TDRD1: variants seen among roughly 807,000 people sequenced by gnomAD.
TDRD1 encodes the protein tudor domain containing 1, also known as tudor domain-containing protein 1.
Under a neutral mutation model 140.6 loss-of-function variants are expected in TDRD1, and 37 were observed. The observed-to-expected ratio is 0.26, with a 90% CI of 0.20 to 0.35. TDRD1 has a LOEUF of 0.35. Among genes scored for constraint, TDRD1 ranks in the 10% least tolerant of loss-of-function variants. The probability of loss-of-function intolerance (pLI) is 1.00; values close to 1 mark genes in which losing one functional copy is unlikely to be tolerated. For synonymous variants in TDRD1, 506 were observed against 475.7 expected, an observed-to-expected ratio of 1.06 and a Z score of -0.83; for missense variants, 1,243 against 1,393.0, an observed-to-expected ratio of 0.89 and a Z score of 1.71.
chr10:114,217,682 C>T, intron 17 of TDRD1, 27 bp downstream of exon 17: 1 of 1,177,196 alleles, frequency 8.5e-7, no homozygotes, highest in Non-Finnish European at 1.3e-6. Context: ...GCAATCTTGA[C>T]TTTTAGAACC....
chr10:114,225,127 G>A (rs2036359306), intron 21 of TDRD1, among the ~76,000 whole-genome samples: 1 of 152,174 alleles, frequency 6.6e-6, no homozygotes, highest in South Asian at 2.1e-4. Flanking sequence ...ACGTTCTCCA[G>A]TCCATGCCCT....
At chr10:114,205,264 A>T (rs750868268) in intron 10 of TDRD1, among the ~76,000 whole-genome samples, 2 of 152,210 alleles carry the variant, frequency 1.3e-5, no homozygotes, top group Non-Finnish European at 1.5e-5. Flanking sequence ...GCTAGTACAT[A>T]GTAGCTAAGC....
At chr10:114,184,213 CT>C (rs1172488420) in intron 1 of TDRD1, among the ~76,000 whole-genome samples, 3 of 151,118 alleles carry the variant, frequency 2.0e-5, no homozygotes. Context: ...TGCTTTTCCC[CT>C]TATGTTTATG....
chr10:114,207,426 A>G (rs2035196866), intron 11 of TDRD1, among the ~76,000 whole-genome samples: 1 of 152,164 alleles, frequency 6.6e-6, no homozygotes, highest in Non-Finnish European at 1.5e-5. Flanking sequence ...TTAGCTCAGG[A>G]ATCCTCATCA....
rs2035653499 is a variant in TDRD1 at position 114,214,049 on chromosome 10, T to C, written c.2147T>C (p.Val716Ala). The change falls in exon 16 of 26, where the codon GTA becomes GCA. Residue 716 changes from valine to alanine, a missense_variant. Physicochemically the swap from Val to Ala is moderately conservative, Grantham distance 64 (BLOSUM62 0). Around this residue, in one of 5 missense-constraint regions of TDRD1, gnomAD observed 601 missense variants for 734.7 expected, o/e 0.82. Coordinates refer to ENST00000251864, the Ensembl canonical transcript of TDRD1. ...GTTGAACTTGGTGTTGACCAAACAG[T>C]AGATGTTGTGGTCTGTGTGATATAT... 1 of 1,613,264 alleles carries C rather than the reference T, an allele frequency of 6.2e-7. No homozygotes were observed. Among genetic ancestry groups the C allele is most frequent in the African/African-American group, 1.3e-5 (1 of 74,914 alleles).
intron 10 of TDRD1, 79 bp downstream of exon 10, chr10:114,204,972 A>G (rs1452408868): frequency 7.6e-7 from 1 of 1,323,152 alleles, no homozygotes; most frequent in East Asian, 2.7e-5. Context: ...CGGAAACATC[A>G]AGTGAGGCCA....
chr10:114,219,456 A>C (rs1327449236), intron 18 of TDRD1, among the ~76,000 whole-genome samples: 4 of 152,220 alleles, frequency 2.6e-5, no homozygotes, highest in Admixed American at 2.6e-4. Context: ...ACATCTGCAC[A>C]TAAAAGTTGT....
Position 114,231,392 on chromosome 10 carries a change from T to C in TDRD1, c.3539-94T>C, listed in dbSNP as rs572704763. 3.9e-4 allele frequency: 407 copies of C among 1,048,572 alleles called. 1 individual carries two copies. Among genetic ancestry groups the C allele is most frequent in the South Asian group, 2.8e-3 (194 of 70,442 alleles). 65.0% of individuals were successfully genotyped at this position (1,048,572 alleles called of 1,614,324 possible). ...TTAAATGCGTAATTTCAGTTAAAAG[T>C]GAATATTTTGTTTGCTTGTATTTGA... On this transcript the variant is annotated intron_variant, in intron 25 of 25. Transcript: ENST00000251864.
At chr10:114,184,904 G>C (rs1294873432) in intron 1 of TDRD1, among the ~76,000 whole-genome samples, 2 of 152,090 alleles carry the variant, frequency 1.3e-5, no homozygotes, top group African/African-American at 4.8e-5. Flanking sequence ...AATGTAGCAT[G>C]TATGATACTA....
At chr10:114,225,291 A>G (rs1017720471) in intron 21 of TDRD1, among the ~76,000 whole-genome samples, 1 of 152,234 alleles carries the variant, frequency 6.6e-6, no homozygotes, top group African/African-American at 2.4e-5. Flanking sequence ...AAGCCTATTC[A>G]GATGTCTTTG....
chr10:114,196,242 C>G (rs567005497), intron 3 of TDRD1, among the ~76,000 whole-genome samples: 1 of 152,306 alleles, frequency 6.6e-6, no homozygotes, highest in African/African-American at 2.4e-5. Context: ...TGAGCCCGGA[C>G]TATTGTGTTT....
rs1275320321 is a variant in TDRD1, at chr10:114,201,516, GTA to G, written c.635+2_635+3del. On this transcript the variant is annotated splice_donor_variant and splice_donor_region_variant and intron_variant, in intron 5 of 25. Transcript: ENST00000251864. LOFTEE classifies it high-confidence loss of function. Reference sequence around the variant, plus strand: ...TCGTGTGCAGGCCTGTTCAGCCAAAGTAAGGATTTATGATCTTTTTATTCATT... The same window carrying G: ...TCGTGTGCAGGCCTGTTCAGCCAAAGAGGATTTATGATCTTTTTATTCATT... 3 of 1,610,684 alleles carry G rather than the reference GTA, an allele frequency of 1.9e-6. No homozygotes were observed. The highest frequency in any genetic ancestry group is 2.5e-6 in the Non-Finnish European group (3 of 1,178,220).
At chr10:114,208,603 C>T (rs2035278902) in intron 11 of TDRD1, among the ~76,000 whole-genome samples, 1 of 152,126 alleles carries the variant, frequency 6.6e-6, no homozygotes, top group South Asian at 2.1e-4. Flanking sequence ...TATGATTGTG[C>T]ACCCTCTTGT....
chr10:114,213,358 C>T (rs2035609223), exon 15 of TDRD1: 1 of 1,611,886 alleles, frequency 6.2e-7, no homozygotes, highest in Non-Finnish European at 8.5e-7. Flanking sequence ...GTAAAGCCAT[C>T]ATTAGGAATT....
intron 3 of TDRD1, among the ~76,000 whole-genome samples, chr10:114,195,770 G>GT (rs1183852830): frequency 6.6e-6 from 1 of 152,080 alleles, no homozygotes; most frequent in African/African-American, 2.4e-5. Context: ...TGCTTAGACC[G>GT]TTTACATTTG....
chr10:114,225,150 C>T (rs964724453), intron 21 of TDRD1, among the ~76,000 whole-genome samples: 1 of 152,218 alleles, frequency 6.6e-6, no homozygotes, highest in Non-Finnish European at 1.5e-5. Context: ...GTGGTTCATT[C>T]TCTCAGGAGA....
chr10:114,228,451 C>T, intron 25 of TDRD1: 3 of 1,049,548 alleles, frequency 2.9e-6, no homozygotes, highest in Non-Finnish European at 3.4e-6. Context: ...AAAGCTTAGC[C>T]TCAGATTTTT....
chr10:114,185,692 A>C (rs557764213), intron 1 of TDRD1, among the ~76,000 whole-genome samples: 3 of 152,066 alleles, frequency 2.0e-5, no homozygotes, highest in Admixed American at 2.0e-4. Flanking sequence ...GGATCAAGCC[A>C]TTCTCCTGCC....
At chr10:114,189,872 C>G (rs2033831073) in intron 2 of TDRD1, among the ~76,000 whole-genome samples, 2 of 152,234 alleles carry the variant, frequency 1.3e-5, no homozygotes, top group South Asian at 4.1e-4. Flanking sequence ...TGCAGTCATG[C>G]ATGCGCAGGA....
Sources: allele counts gnomAD v4.1 joint callset (sites outside exome capture counted in the v4.1 genomes callset), GRCh38; gene constraint gnomAD v4.1.1; regional missense constraint gnomAD v4.1.1; transcripts MANE v1.5; gene names NCBI Gene and HGNC (gene_info 2026-07-23, HGNC 2026-07-21).